Variants in APBB1IP observed in about 807,000 individuals in gnomAD.
APBB1IP encodes the protein amyloid beta precursor protein binding family B member 1 interacting protein.
Under a neutral mutation model 64.9 loss-of-function variants are expected in APBB1IP, and 27 were observed. The observed-to-expected ratio is 0.42, with a 90% CI of 0.31 to 0.57. The LOEUF (loss-of-function observed/expected upper bound fraction) is 0.57, where lower values mean the gene tolerates loss of function less well. Among genes scored for constraint, APBB1IP ranks in the 20% least tolerant of loss-of-function variants. The pLI is 0.20. For missense variants in APBB1IP, 812 were observed against 845.5 expected (o/e 0.96, Z 0.49); for synonymous variants, 392 against 331.0 (o/e 1.18, Z -2.00).
At chr10:26,453,744 C>T (rs898390749) in intron 2 of APBB1IP, among the ~76,000 whole-genome samples, 4 of 152,174 alleles carry the variant, frequency 2.6e-5, no homozygotes, top group Non-Finnish European at 5.9e-5. Flanking sequence ...CTCAACGTCA[C>T]TAGTCATAAA....
intron 11 of APBB1IP, among the ~76,000 whole-genome samples, chr10:26,545,685 G>A (rs1588614121): frequency 6.6e-6 from 1 of 151,776 alleles, no homozygotes. Flanking sequence ...GCGTGAACCC[G>A]GGAGGCGGAG....
intron 2 of APBB1IP, among the ~76,000 whole-genome samples, chr10:26,476,638 G>A (rs1011643201): frequency 2.0e-5 from 3 of 151,680 alleles, no homozygotes; most frequent in South Asian, 2.1e-4. Flanking sequence ...GAACAAAGAC[G>A]TTCTGTCTTT....
chr10:26,448,447 G>A (rs1014636098), intron 2 of APBB1IP, among the ~76,000 whole-genome samples: 1 of 152,192 alleles, frequency 6.6e-6, no homozygotes, highest in African/African-American at 2.4e-5. Context: ...CACAGTTAAA[G>A]TGCTAAATGG....
At chr10:26,529,627 C>CT (rs930963932) in intron 8 of APBB1IP, among the ~76,000 whole-genome samples, 34 of 151,436 alleles carry the variant, frequency 2.2e-4, no homozygotes, top group African/African-American at 6.5e-4. Context: ...GCTCTGGAGT[C>CT]TTTTTTTTTC....
At chr10:26,465,348 G>T (rs1188930902) in intron 2 of APBB1IP, among the ~76,000 whole-genome samples, 2 of 152,128 alleles carry the variant, frequency 1.3e-5, no homozygotes, top group African/African-American at 4.8e-5. Context: ...ACACTCTGTA[G>T]ACAGGTACAT....
intron 11 of APBB1IP, among the ~76,000 whole-genome samples, chr10:26,544,288 T>C (rs1280190881): frequency 6.6e-6 from 1 of 152,198 alleles, no homozygotes; most frequent in Non-Finnish European, 1.5e-5. Flanking sequence ...ACTTCTTAAA[T>C]CAGGAGAAGG....
intron 9 of APBB1IP, among the ~76,000 whole-genome samples, chr10:26,535,464 A>G (rs907130505): frequency 3.9e-5 from 6 of 152,156 alleles, no homozygotes; most frequent in Admixed American, 2.0e-4. Context: ...AAACAATCCA[A>G]TTACACTCTT....
chr10:26,527,542 CAA>C (rs550297713), intron 8 of APBB1IP, among the ~76,000 whole-genome samples: 66 of 91,124 alleles, frequency 7.2e-4, no homozygotes, highest in Admixed American at 8.6e-4. Context: ...TACCTTGTCT[CAA>C]AAAAAAAAAA....
At chr10:26,530,487 C>T (rs971325651) in intron 8 of APBB1IP, among the ~76,000 whole-genome samples, 1 of 151,870 alleles carries the variant, frequency 6.6e-6, no homozygotes, top group African/African-American at 2.4e-5. Flanking sequence ...GTCAGGAGAT[C>T]GAGACCATCC....
chr10:26,546,490 A>G (rs1417289195), intron 11 of APBB1IP, among the ~76,000 whole-genome samples: 1 of 152,216 alleles, frequency 6.6e-6, no homozygotes, highest in Non-Finnish European at 1.5e-5. Flanking sequence ...GTTTTGATAT[A>G]TGTAAACATT....
At chr10:26,442,372 C>T (rs2281) in intron 2 of APBB1IP, among the ~76,000 whole-genome samples, 31,784 of 152,104 alleles carry the variant, frequency 0.21, 4,285 homozygotes, top group East Asian at 0.49. Context: ...ACATGACAGC[C>T]GGCTAGGTTG....
intron 11 of APBB1IP, among the ~76,000 whole-genome samples, chr10:26,545,429 AC>A (rs1448852185): frequency 1.3e-5 from 2 of 152,032 alleles, no homozygotes; most frequent in African/African-American, 4.8e-5. Context: ...GTTTGAGACC[AC>A]CCTGGCCAAA....
rs115275380 is a variant in APBB1IP at position 26,507,489 on chromosome 10, C to A, written c.531+4215C>A. Among the ~76,000 whole-genome samples, 542 of 152,202 alleles carry A rather than the reference C, an allele frequency of 3.6e-3. 3 individuals are homozygous for A. Among genetic ancestry groups the A allele is most frequent in the African/African-American group, 0.012 (488 of 41,530 alleles). ...TCCAGCCTGGGTGGCAGAGCAAGAT[C>A]TTGTCTCTAAAATAAATAAATATGG... On this transcript the variant is annotated intron_variant, in intron 6 of 14. Transcript: ENST00000376236.
rs566286359 is a variant in APBB1IP, at chr10:26,540,931, G to A, written c.1045-651G>A. 1.5e-4 allele frequency among the ~76,000 whole-genome samples: 23 copies of A among 151,682 alleles called. No homozygotes were observed. The South Asian group carries it at 4.8e-3, about 31-fold the overall frequency. The stretch of plus-strand genomic sequence containing the variant: ...TATCTCTCATTTTTCGTCCTGAGGG[G>A]GACTTTTTTTTTTTTTTAATGCTCA... On this transcript the variant is annotated intron_variant, in intron 10 of 14. Transcript: ENST00000376236.
intron 2 of APBB1IP, among the ~76,000 whole-genome samples, chr10:26,478,614 CAAAA>C (rs35115510): frequency 8.0e-6 from 1 of 125,198 alleles, no homozygotes. Context: ...GACTCCGTCT[CAAAA>C]AAAAAAAAAA....
chr10:26,554,310 A>G (rs1268406267), intron 11 of APBB1IP, among the ~76,000 whole-genome samples: 3 of 152,212 alleles, frequency 2.0e-5, no homozygotes, highest in East Asian at 1.9e-4. Flanking sequence ...TCAAGGTGAT[A>G]TTGGAATCAG....
intron 8 of APBB1IP, among the ~76,000 whole-genome samples, chr10:26,525,549 G>A (rs1052448746): frequency 2.0e-4 from 31 of 152,166 alleles, no homozygotes; most frequent in African/African-American, 6.7e-4. Flanking sequence ...AAAGTGGGCC[G>A]GGGCAGTAGA....
rs1554778195 is a variant in APBB1IP at position 26,524,974 on chromosome 10, T to TTTTTTTTTTTTTTTTTTTTTA, written c.814-8465_814-8464insTTTTTTTTTTTTTTTTTTTTA. Among the ~76,000 whole-genome samples the TTTTTTTTTTTTTTTTTTTTTA allele has an allele frequency of 9.5e-4, 120 of 126,722 alleles. 6 individuals carry two copies. The highest frequency in any genetic ancestry group is 1.8e-3 in the East Asian group (6 of 3,412). The allele number at this position is 126,722 out of a possible 152,430, so 83.1% of individuals were successfully genotyped here. A position where few individuals can be genotyped will look rare whatever the true frequency, so the allele number is the denominator to read the frequency against. On this transcript the variant is annotated intron_variant, in intron 8 of 14. Coordinates refer to ENST00000376236, the MANE Select transcript of APBB1IP (RefSeq NM_019043.4). Reference sequence around the variant, plus strand: ...TTCTTTCTTTTTTTTTTTTTTTTTTTATAAAAAAAGGAATCCTGGCAAGAG... The same window carrying TTTTTTTTTTTTTTTTTTTTTA: ...TTCTTTCTTTTTTTTTTTTTTTTTTTTTTTTTTTTTTTTTTTTTTTAATAAAAAAAGGAATCCTGGCAAGAG...
chr10:26,526,507 T>G (rs377398758), intron 8 of APBB1IP, among the ~76,000 whole-genome samples: 358 of 141,134 alleles, frequency 2.5e-3, no homozygotes, highest in African/African-American at 8.0e-3. Flanking sequence ...GATCACGAAG[T>G]CAGGAGATCA....
Sources: gnomAD v4.1 joint callset for allele counts (sites outside exome capture counted in the v4.1 genomes callset) on GRCh38, gnomAD v4.1.1 for gene constraint, MANE v1.5 for transcripts, NCBI Gene and HGNC (gene_info 2026-07-23, HGNC 2026-07-21) for gene names.